Variants in NUP62 observed in about 807,000 individuals in gnomAD.
The protein encoded by NUP62 is nuclear pore glycoprotein p62.
For missense variants in NUP62, 647 were observed against 689.4 expected (o/e 0.94, Z 0.69); for synonymous variants, 305 against 303.4 (o/e 1.01, Z -0.05).
chr19:49,922,252 G>A (rs1457625474), intron 2 of NUP62, among the ~76,000 whole-genome samples: 1 of 152,178 alleles, frequency 6.6e-6, no homozygotes, highest in East Asian at 1.9e-4. Flanking sequence ...GGTGCCCTGC[G>A]AGTCCCTGTG....
rs2075755475 is a variant in NUP62 at position 49,921,073 on chromosome 19, C to T, written c.-78+6621G>A. On this transcript the variant is annotated intron_variant, in intron 2 of 2. Coordinates refer to ENST00000352066, the MANE Select transcript of NUP62 (RefSeq NM_016553.5). The surrounding 1 kb of genome is among the most constrained non-coding windows in gnomAD (Gnocchi z 5.4). ...AAGCAAACACAGCCCCTTCCTGCCT[C>T]GGCGGACATCTCCACACCCACATTT... Among the ~76,000 whole-genome samples the T allele has an allele frequency of 1.3e-5, 2 of 152,156 alleles. No individual in the cohort carries two copies. The highest frequency in any genetic ancestry group is 2.9e-5 in the Non-Finnish European group (2 of 68,028).
chr19:49,917,299 T>C (rs1413925943), intron 2 of NUP62, among the ~76,000 whole-genome samples: 1 of 152,188 alleles, frequency 6.6e-6, no homozygotes, highest in Non-Finnish European at 1.5e-5. Flanking sequence ...GCCAGGACCA[T>C]CTCCATGAGT....
intron 2 of NUP62, among the ~76,000 whole-genome samples, chr19:49,915,429 C>T (rs936245551): frequency 3.3e-5 from 5 of 152,180 alleles, no homozygotes; most frequent in African/African-American, 4.8e-5. Flanking sequence ...CAGGCGGCTT[C>T]GGCCTCTAGA....
At chr19:49,913,509 G>T (rs1228473825) in intron 2 of NUP62, among the ~76,000 whole-genome samples, 1 of 152,264 alleles carries the variant, frequency 6.6e-6, no homozygotes, top group African/African-American at 2.4e-5. Context: ...ACACGGGTGC[G>T]CCATGTCCTC....
intron 2 of NUP62, among the ~76,000 whole-genome samples, chr19:49,919,080 G>A (rs1375217009): frequency 2.0e-5 from 3 of 151,734 alleles, no homozygotes; most frequent in African/African-American, 7.3e-5. Context: ...TTGAACCTGG[G>A]AGGCGGAGGT....
At chr19:49,919,923 TAAA>T (rs1193814051) in intron 2 of NUP62, among the ~76,000 whole-genome samples, 3 of 151,828 alleles carry the variant, frequency 2.0e-5, no homozygotes, top group Non-Finnish European at 2.9e-5. Context: ...CCTACTGCAT[TAAA>T]AAAAAATTTT....
chr19:49,907,368 C>A lies in NUP62; in HGVS notation c.*871G>T. 1 of 327,578 alleles carries A rather than the reference C, an allele frequency of 3.1e-6. No homozygotes were observed. The highest frequency in any genetic ancestry group is 5.9e-6 in the Non-Finnish European group (1 of 170,096). 20.3% of individuals were successfully genotyped at this position (327,578 alleles called of 1,614,324 possible). On this transcript the variant is annotated 3_prime_UTR_variant, in exon 3 of 3. Coordinates refer to ENST00000352066, the MANE Select transcript of NUP62 (RefSeq NM_016553.5). ...GGCCTCTCGGCGCCCATCTGTGGTT[C>A]CTCAACACCCTGTGTGTGCAGGCCC...
rs1378929711 is a variant in NUP62, at chr19:49,909,865, C to CT, written c.-59dup. ...GCTCCCAAAGCAAATCCGTCGGTGT[C>CT]TGCAGCCTTGGGAAGATTTCTAAAG... On this transcript the variant is annotated 5_prime_UTR_variant, in exon 3 of 3. Coordinates refer to ENST00000352066, the MANE Select transcript of NUP62 (RefSeq NM_016553.5). 4 of 1,570,044 alleles carry CT rather than the reference C, an allele frequency of 2.5e-6. No homozygotes were observed. Among genetic ancestry groups the CT allele is most frequent in the Non-Finnish European group, 3.5e-6 (4 of 1,143,362 alleles).
At chr19:49,924,764 T>TA (rs1364859599) in intron 2 of NUP62, among the ~76,000 whole-genome samples, 9 of 152,124 alleles carry the variant, frequency 5.9e-5, no homozygotes, top group African/African-American at 2.2e-4. Flanking sequence ...GCTGGAGAGC[T>TA]AAGGGTGCCA....
chr19:49,908,045 C>T lies in NUP62; in HGVS notation c.*194G>A. ...CACAGAAGCCACACCCATGAGGCTG[C>T]TGCCTGGGCAGAAGGCCCAGAATAC... is the stretch of plus-strand genomic sequence containing the variant. On this transcript the variant is annotated 3_prime_UTR_variant, in exon 3 of 3. Coordinates refer to ENST00000352066, the MANE Select transcript of NUP62 (RefSeq NM_016553.5). 8.0e-7 allele frequency: 1 copy of T among 1,242,618 alleles called. No individual in the cohort carries two copies. The highest frequency in any genetic ancestry group is 1.1e-6 in the Non-Finnish European group (1 of 923,650). The allele number at this position is 1,242,618 out of a possible 1,614,324, so 77.0% of individuals were successfully genotyped here.
intron 1 of NUP62, 148 bp downstream of exon 1, chr19:49,929,178 T>C (rs1032206637): frequency 4.6e-5 from 6 of 131,432 alleles, no homozygotes; most frequent in African/African-American, 1.6e-4. Flanking sequence ...CCAGTATATA[T>C]CTGTCCCCAG....
At chr19:49,927,412 C>T (rs143295656) in intron 2 of NUP62, among the ~76,000 whole-genome samples, 25 of 152,176 alleles carry the variant, frequency 1.6e-4, no homozygotes, top group East Asian at 7.7e-4. Flanking sequence ...GCAAAAAATT[C>T]GCATGTTTTG....
At chr19:49,918,591 C>T (rs539356859) in intron 2 of NUP62, 1 of 152,340 alleles carries the variant, frequency 6.6e-6, no homozygotes, top group South Asian at 2.1e-4. Flanking sequence ...TGCCTTTCAA[C>T]CTACAGGCAT....
intron 2 of NUP62, among the ~76,000 whole-genome samples, chr19:49,926,533 AAAACC>A (rs150522332): frequency 0.34 from 51,334 of 151,482 alleles, 8,990 homozygotes; most frequent in East Asian, 0.43. Flanking sequence ...CTGTCTCAAA[AAAACC>A]AAACCAAACC....
rs4009637 is a variant in NUP62, at chr19:49,907,537, CTTTTTTTTTTT to C, written c.*691_*701del. 4.5e-5 allele frequency: 15 copies of C among 332,848 alleles called. No individual in the cohort carries two copies. Among genetic ancestry groups the C allele is most frequent in the Middle Eastern group, 1.0e-3 (1 of 976 alleles). 20.6% of individuals were successfully genotyped at this position (332,848 alleles called of 1,614,324 possible). Reference sequence around the variant, plus strand: ...CTAGGCTGCTGTCTCCTGGGAGTTTCTTTTTTTTTTTTTTTTTTTTTGAGACAGAGTCTCTG... The same window carrying C: ...CTAGGCTGCTGTCTCCTGGGAGTTTCTTTTTTTTTTGAGACAGAGTCTCTG... On this transcript the variant is annotated 3_prime_UTR_variant, in exon 3 of 3. Transcript: ENST00000352066.
intron 2 of NUP62, among the ~76,000 whole-genome samples, chr19:49,920,186 T>C (rs1239204844): frequency 6.6e-6 from 1 of 151,980 alleles, no homozygotes; most frequent in East Asian, 1.9e-4. Flanking sequence ...GGGTTCAAGC[T>C]ATTCTCCTGC....
chr19:49,915,478 G>A (rs1290743), intron 2 of NUP62, among the ~76,000 whole-genome samples: 127,488 of 152,246 alleles, frequency 0.84, 53,917 homozygotes, highest in East Asian at 0.96. Context: ...GAGTTTCCCA[G>A]AGGAACTACA....
chr19:49,908,645 C>T lies in NUP62; in HGVS notation c.1163G>A (p.Arg388Lys). The change falls in exon 3 of 3, where the codon AGG becomes AAG. Residue 388 changes from arginine to lysine, a missense_variant. Physicochemically the swap from Arg to Lys is conservative, Grantham distance 26. Transcript: ENST00000352066. ...EVEKVKLDQK[R>K]LDQELDFILS... Reference sequence around the variant, plus strand: ...GATGAAGTCGAGCTCCTGGTCCAGCCTCTTCTGGTCCAGCTTCACCTTCTC... The same window carrying T: ...GATGAAGTCGAGCTCCTGGTCCAGCTTCTTCTGGTCCAGCTTCACCTTCTC... The T allele has an allele frequency of 6.2e-7, 1 of 1,612,930 alleles. No homozygotes were observed. Among genetic ancestry groups the T allele is most frequent in the East Asian group, 2.2e-5 (1 of 44,880 alleles).
intron 2 of NUP62, among the ~76,000 whole-genome samples, chr19:49,912,743 G>T (rs1282992181): frequency 6.8e-6 from 1 of 147,126 alleles, no homozygotes; most frequent in Non-Finnish European, 1.5e-5. Context: ...GCAGGCGCCT[G>T]TAGTCGCAGC....
Sources: gnomAD v4.1 joint callset for allele counts (sites outside exome capture counted in the v4.1 genomes callset) on GRCh38, gnomAD v4.1.1 for gene constraint, Gnocchi (gnomAD v3.1) non-coding constraint, MANE v1.5 for transcripts, NCBI Gene and HGNC (gene_info 2026-07-23, HGNC 2026-07-21) for gene names.